KLF17: variants seen among roughly 807,000 people sequenced by gnomAD.
The protein encoded by KLF17 is KLF transcription factor 17.
A neutral mutation model predicts 34.2 loss-of-function variants in KLF17; 31 were observed. That is an observed-to-expected ratio of 0.91 (90% CI 0.68 to 1.22). The LOEUF (loss-of-function observed/expected upper bound fraction) is 1.22. Ranked by LOEUF, KLF17 falls within the 50% of genes most tolerant of loss-of-function variation. The pLI, the probability that KLF17 is intolerant of heterozygous loss-of-function variation, is 0.00. For missense variants in KLF17, 478 were observed against 505.2 expected, an observed-to-expected ratio of 0.95 and a Z score of 0.52; for synonymous variants, 179 against 186.7, an observed-to-expected ratio of 0.96 and a Z score of 0.34.
the KLF17 span, among the ~76,000 whole-genome samples, chr1:44,064,875 C>T: frequency 6.6e-6 from 1 of 152,108 alleles, no homozygotes; most frequent in South Asian, 2.1e-4. Context: ...TAATCGTGTG[C>T]ACAAAAACAA....
Position 44,131,853 on chromosome 1 carries a change from C to T in KLF17, c.*1097C>T, listed in dbSNP as rs111562751. Among the ~76,000 whole-genome samples, 557 of 152,278 alleles carry T rather than the reference C, an allele frequency of 3.7e-3. 6 individuals carry two copies. The highest frequency in any genetic ancestry group is 0.013 in the African/African-American group (535 of 41,564). On this transcript the variant is annotated intron_variant, in intron 3 of 3. Transcript: ENST00000372299. ...GGGATTACAGGCAAGCACCACCACA[C>T]CCAGCTAATTTTTGTATTTTTTGTA...
At chr1:44,087,002 C>T in the KLF17 span, among the ~76,000 whole-genome samples, 1 of 152,228 alleles carries the variant, frequency 6.6e-6, no homozygotes, top group African/African-American at 2.4e-5. Flanking sequence ...AACACAGTTG[C>T]TTTTCTTCAG....
the KLF17 span, among the ~76,000 whole-genome samples, chr1:44,081,570 C>T: frequency 1.1e-4 from 16 of 152,064 alleles, no homozygotes; most frequent in East Asian, 1.7e-3. Context: ...TGCCCACCCC[C>T]GCACCTGTCT....
the KLF17 span, among the ~76,000 whole-genome samples, chr1:44,077,075 T>C: frequency 9.3e-5 from 14 of 150,382 alleles, no homozygotes; most frequent in African/African-American, 3.2e-4. Flanking sequence ...AAAGAAAAAG[T>C]GGCTCACTCC....
the KLF17 span, among the ~76,000 whole-genome samples, chr1:44,064,615 C>T: frequency 1.2e-4 from 18 of 152,286 alleles, no homozygotes; most frequent in African/African-American, 3.9e-4. Context: ...TCCATGATCA[C>T]GACTGTGTTG....
At chr1:44,073,415 A>G in the KLF17 span, among the ~76,000 whole-genome samples, 1 of 151,066 alleles carries the variant, frequency 6.6e-6, no homozygotes, top group Non-Finnish European at 1.5e-5. Flanking sequence ...CATGTTGGCC[A>G]GGCTGGTCTC....
the KLF17 span, among the ~76,000 whole-genome samples, chr1:44,051,758 A>G: frequency 6.6e-6 from 1 of 151,824 alleles, no homozygotes; most frequent in African/African-American, 2.4e-5. Context: ...TTGGGGAATG[A>G]TTTAAGGCAG....
the KLF17 span, among the ~76,000 whole-genome samples, chr1:44,082,255 C>A: frequency 6.6e-6 from 1 of 152,080 alleles, no homozygotes; most frequent in Admixed American, 6.5e-5. Context: ...AACTGAATAG[C>A]GGAAGATTAA....
chr1:44,121,926 C>T (rs1284629082), intron 1 of KLF17, among the ~76,000 whole-genome samples: 2 of 152,314 alleles, frequency 1.3e-5, no homozygotes, highest in East Asian at 3.9e-4. Flanking sequence ...TATCCAGTGT[C>T]CAGTTCCCTA....
chr1:44,097,607 T>A, the KLF17 span, among the ~76,000 whole-genome samples: 31 of 151,394 alleles, frequency 2.0e-4, no homozygotes. Context: ...AGAATGAAAT[T>A]AAAAAAAAAT....
the KLF17 span, among the ~76,000 whole-genome samples, chr1:44,060,605 A>C: frequency 4.6e-3 from 702 of 152,234 alleles, 6 homozygotes; most frequent in African/African-American, 0.016. Flanking sequence ...ATCGGAAGGA[A>C]TTTGGGCAGC....
At chr1:44,095,749 T>C in the KLF17 span, among the ~76,000 whole-genome samples, 2 of 152,144 alleles carry the variant, frequency 1.3e-5, no homozygotes, top group African/African-American at 4.8e-5. Context: ...TTGGTTAAGT[T>C]CATTCCTATC....
chr1:44,130,084 G>A lies in KLF17; in HGVS notation c.813G>A (p.Gly271=), dbSNP rs374304484. The change falls in exon 2 of 4, where the codon GGG becomes GGA. Residue 271 remains glycine (G), a synonymous_variant. Coordinates refer to ENST00000372299, the MANE Select transcript of KLF17 (RefSeq NM_173484.4). ...AGAAGAACTCCAGGCCTCAGGAAGG[G>A]ACTGGTAGAAGGGGCTCCTCAGAGG... ...TVEKNSRPQE[G]TGRRGSSEAR... is the part of the protein sequence containing the mutation. 22 of 1,614,112 alleles carry A rather than the reference G, an allele frequency of 1.4e-5. No individual in the cohort carries two copies. Among genetic ancestry groups the A allele is most frequent in the Non-Finnish European group, 1.7e-6 (2 of 1,180,058 alleles).
the KLF17 span, among the ~76,000 whole-genome samples, chr1:44,100,307 A>G: frequency 0.32 from 47,519 of 148,702 alleles, 7,962 homozygotes; most frequent in South Asian, 0.37. Context: ...CTGGTGACCC[A>G]TACTGGGTCG....
chr1:44,129,919 T>C lies in KLF17; in HGVS notation c.648T>C (p.Asp216=). 2 of 1,614,192 alleles carry C rather than the reference T, an allele frequency of 1.2e-6. No individual in the cohort carries two copies. The highest frequency in any genetic ancestry group is 1.7e-6 in the Non-Finnish European group (2 of 1,180,034). ...PSMAQMLPPQ[D]AHDLGMPPAE... Reference sequence around the variant, plus strand: ...TGGCTCAGATGTTGCCCCCGCAAGATGCCCATGACCTTGGGATGCCCCCAG... The same window carrying C: ...TGGCTCAGATGTTGCCCCCGCAAGACGCCCATGACCTTGGGATGCCCCCAG... The change falls in exon 2 of 4, where the codon GAT becomes GAC. Residue 216 remains aspartate, a synonymous_variant. Transcript: ENST00000372299.
chr1:44,090,238 TC>T, the KLF17 span, among the ~76,000 whole-genome samples: 1 of 125,900 alleles, frequency 7.9e-6, no homozygotes, highest in African/African-American at 3.1e-5. Context: ...ACACCTGTAA[TC>T]CCAGGCAGGA....
the KLF17 span, among the ~76,000 whole-genome samples, chr1:44,086,060 G>T: frequency 7.2e-5 from 11 of 152,226 alleles, no homozygotes; most frequent in Non-Finnish European, 1.6e-4. Flanking sequence ...GAGCAGACTA[G>T]CCCTGGAGGA....
the KLF17 span, chr1:44,103,891 G>GCCTCC: frequency 4.4e-5 from 35 of 797,340 alleles, no homozygotes; most frequent in Non-Finnish European, 7.6e-5. Context: ...TCATCCCAGT[G>GCCTCC]CCTCCCAGCC....
chr1:44,129,534 A>G lies in KLF17; in HGVS notation c.263A>G (p.Gln88Arg), dbSNP rs2088076192. ...CAGAATGTGAATGAAGGGGGGCCAC[A>G]GTTCAGTATGCCACTGCCTGAGCGT... ...PGQNVNEGGP[Q>R]FSMPLPERGM... The change falls in exon 2 of 4, where the codon CAG (glutamine) becomes CGG (arginine). Residue 88 changes from glutamine (Q) to arginine (R), a missense_variant. Gln to Arg is a conservative substitution (Grantham distance 43). Coordinates refer to ENST00000372299, the MANE Select transcript of KLF17 (RefSeq NM_173484.4). 1 of 1,613,288 alleles carries G rather than the reference A, an allele frequency of 6.2e-7. No homozygotes were observed. The highest frequency in any genetic ancestry group is 1.3e-5 in the African/African-American group (1 of 74,914).
Sources: gnomAD v4.1 joint callset for allele counts (sites outside exome capture counted in the v4.1 genomes callset) on GRCh38, gnomAD v4.1.1 for gene constraint, MANE v1.5 for transcripts, NCBI Gene and HGNC (gene_info 2026-07-23, HGNC 2026-07-21) for gene names.